Variants in ADAD1 observed in about 807,000 individuals in gnomAD.
ADAD1 encodes adenosine deaminase domain-containing protein 1.
A neutral mutation model predicts 66.8 loss-of-function variants in ADAD1; 46 were observed. The observed-to-expected ratio is 0.69, with a 90% CI of 0.54 to 0.88. The LOEUF is 0.88. ADAD1 is among the 40% of genes least tolerant of loss of function. The pLI is 0.00. For missense variants in ADAD1, 617 were observed against 681.8 expected, an observed-to-expected ratio of 0.91 and a Z score of 1.06; for synonymous variants, 248 against 229.4, an observed-to-expected ratio of 1.08 and a Z score of -0.73.
chr4:122,416,740 GA>G (rs78775231), intron 11 of ADAD1, among the ~76,000 whole-genome samples: 12 of 141,416 alleles, frequency 8.5e-5, no homozygotes, highest in Admixed American at 2.1e-4. Context: ...CTCAAAAAGG[GA>G]AAAAAAAAAG....
chr4:122,388,353 T>C (rs1795274835), intron 5 of ADAD1, among the ~76,000 whole-genome samples: 1 of 152,198 alleles, frequency 6.6e-6, no homozygotes, highest in African/African-American at 2.4e-5. Context: ...CTTTTCCTGG[T>C]TTTAGTATCA....
chr4:122,409,180 C>G (rs1456534108), intron 8 of ADAD1, among the ~76,000 whole-genome samples: 1 of 152,112 alleles, frequency 6.6e-6, no homozygotes, highest in Non-Finnish European at 1.5e-5. Context: ...TTTCTTTTTC[C>G]AGACTCAGTC....
At chr4:122,401,541 T>C (rs1241467332) in intron 7 of ADAD1, among the ~76,000 whole-genome samples, 3 of 152,132 alleles carry the variant, frequency 2.0e-5, no homozygotes, top group Admixed American at 1.3e-4. Context: ...TTAAGTCCAT[T>C]GTTTCTTTGT....
At chr4:122,422,333 C>T (rs868411550) in intron 12 of ADAD1, among the ~76,000 whole-genome samples, 1 of 152,052 alleles carries the variant, frequency 6.6e-6, no homozygotes, top group Admixed American at 6.6e-5. Flanking sequence ...CCATGTTGGC[C>T]GGGCTGGTCT....
At position 122,402,896 on chromosome 4, in the gene ADAD1, C is replaced by T. The variant is rs114469255; in HGVS notation, c.725-5012C>T. Among the ~76,000 whole-genome samples the T allele has an allele frequency of 6.7e-3, 1,025 of 152,156 alleles. 9 individuals are homozygous for T. Among genetic ancestry groups the T allele is most frequent in the African/African-American group, 0.024 (988 of 41,524 alleles). ...CTCTGGAGACTTTTTTATCCATACCCTATATATGTTTTTAATTTCTTTAAG... is the reference window on the plus strand; with the variant it reads ...CTCTGGAGACTTTTTTATCCATACCTTATATATGTTTTTAATTTCTTTAAG... On this transcript the variant is annotated intron_variant, in intron 7 of 12. Coordinates refer to ENST00000296513, the MANE Select transcript of ADAD1 (RefSeq NM_139243.4).
Position 122,396,108 on chromosome 4 carries a change from C to CT in ADAD1, c.599-143dup, listed in dbSNP as rs1489672240. Reference sequence around the variant, plus strand: ...CTTTTAGAATTGAAAACTTTGAAATCTCAGTCATGACCTAAATTATAAATT... The same window carrying CT: ...CTTTTAGAATTGAAAACTTTGAAATCTTCAGTCATGACCTAAATTATAAATT... On this transcript the variant is annotated intron_variant, in intron 6 of 12. Transcript: ENST00000296513. 7 of 613,212 alleles carry CT rather than the reference C, an allele frequency of 1.1e-5. 1 individual carries two copies. The Admixed American group carries it at 3.2e-4, about 28-fold the overall frequency. The allele number at this position is 613,212 out of a possible 1,614,324, so 38.0% of individuals were successfully genotyped here. A position where few individuals can be genotyped will look rare whatever the true frequency, so the allele number is the denominator to read the frequency against.
At chr4:122,423,139 G>T (rs894066608) in intron 12 of ADAD1, among the ~76,000 whole-genome samples, 3 of 152,166 alleles carry the variant, frequency 2.0e-5, no homozygotes, top group South Asian at 4.1e-4. Flanking sequence ...ACCCAGTGAG[G>T]CTACCACCAA....
chr4:122,381,382 A>G (rs1369482552), intron 4 of ADAD1, among the ~76,000 whole-genome samples: 1 of 152,216 alleles, frequency 6.6e-6, no homozygotes, highest in African/African-American at 2.4e-5. Context: ...TTTTATAATC[A>G]TTGAATTGTA....
At chr4:122,383,736 A>G in intron 4 of ADAD1, 63 bp from the exon 5 acceptor site, 1 of 1,509,938 alleles carries the variant, frequency 6.6e-7, no homozygotes, top group Non-Finnish European at 8.9e-7. Flanking sequence ...TCCTATGTAC[A>G]TACATTGTTT....
rs1325602023 is a variant in ADAD1 at position 122,380,246 on chromosome 4, G to A, written c.172+5G>A. On this transcript the variant is annotated splice_donor_5th_base_variant and intron_variant, in intron 3 of 12. Coordinates refer to ENST00000296513, the MANE Select transcript of ADAD1 (RefSeq NM_139243.4). Reference sequence around the variant, plus strand: ...CCAAGGTTACGCAAGTAACGGGTACGACTTTTTTCATTTGTAACAATGAGT... The same window carrying A: ...CCAAGGTTACGCAAGTAACGGGTACAACTTTTTTCATTTGTAACAATGAGT... 4 of 1,600,402 alleles carry A rather than the reference G, an allele frequency of 2.5e-6. No individual in the cohort carries two copies. The highest frequency in any genetic ancestry group is 1.8e-5 in the Admixed American group (1 of 56,428).
intron 12 of ADAD1, among the ~76,000 whole-genome samples, chr4:122,428,698 A>G (rs1427369522): frequency 6.6e-6 from 1 of 152,204 alleles, no homozygotes; most frequent in African/African-American, 2.4e-5. Context: ...TAGAAAAAGC[A>G]AAACTCTAGA....
intron 7 of ADAD1, among the ~76,000 whole-genome samples, chr4:122,407,373 C>A (rs967035826): frequency 2.6e-5 from 4 of 151,998 alleles, no homozygotes; most frequent in African/African-American, 9.7e-5. Flanking sequence ...TTCAAGCAGG[C>A]CACAGCAAAA....
intron 12 of ADAD1, among the ~76,000 whole-genome samples, chr4:122,423,890 C>A (rs1466878631): frequency 6.6e-6 from 1 of 152,108 alleles, no homozygotes. Context: ...ATACAAAGTT[C>A]TTTCTGGGAT....
At chr4:122,398,190 T>C (rs1795803934) in intron 7 of ADAD1, among the ~76,000 whole-genome samples, 2 of 151,996 alleles carry the variant, frequency 1.3e-5, no homozygotes, top group South Asian at 4.2e-4. Flanking sequence ...ATCATTCTTA[T>C]GCCTTCTTGT....
intron 8 of ADAD1, among the ~76,000 whole-genome samples, chr4:122,410,573 T>C (rs920706837): frequency 9.9e-5 from 15 of 152,236 alleles, no homozygotes; most frequent in Admixed American, 5.2e-4. Context: ...AACCATTAAA[T>C]GTGTAATGAT....
In ADAD1 at chr4:122,380,470, C is replaced by T. The variant is rs45493291; in HGVS notation, c.172+229C>T. The T allele has an allele frequency of 7.5e-3, 3,889 of 518,422 alleles. 30 individuals carry two copies. The highest frequency in any genetic ancestry group is 0.027 in the South Asian group (902 of 33,756). The allele number at this position is 518,422 out of a possible 1,614,324, so 32.1% of individuals were successfully genotyped here. A position where few individuals can be genotyped will look rare whatever the true frequency, so the allele number is the denominator to read the frequency against. Reference sequence around the variant, plus strand: ...ACCACCTTGACTGTTCAAACCCCCCCCTTCAAGTGTGGCTTGCCTTTCTGA... The same window carrying T: ...ACCACCTTGACTGTTCAAACCCCCCTCTTCAAGTGTGGCTTGCCTTTCTGA... On this transcript the variant is annotated intron_variant, in intron 3 of 12. Transcript: ENST00000296513.
At position 122,381,098 on chromosome 4, in the gene ADAD1, A is replaced by G; in HGVS notation, c.279A>G (p.Gly93=). The G allele has an allele frequency of 6.2e-7, 1 of 1,607,230 alleles. No homozygotes were observed. The highest frequency in any genetic ancestry group is 8.5e-7 in the Non-Finnish European group (1 of 1,178,790). ...AATTTATAATGAAATACAAACGTGG[A>G]GAGATAAATCCTGTGTCAGCCTTGC... ...PKEFIMKYKR[G]EINPVSALHQ... Residue 93 remains glycine (G), a synonymous_variant, in exon 4 of 13, where the codon GGA becomes GGG. Coordinates refer to ENST00000296513, the MANE Select transcript of ADAD1 (RefSeq NM_139243.4).
chr4:122,419,557 C>T (rs1796912601), intron 11 of ADAD1, among the ~76,000 whole-genome samples: 1 of 152,190 alleles, frequency 6.6e-6, no homozygotes, highest in Admixed American at 6.5e-5. Flanking sequence ...GCTGCTCCTC[C>T]TCTCCACCAC....
At chr4:122,429,604 T>A in intron 12 of ADAD1, 22 bp from the exon 13 acceptor site, 1 of 1,498,030 alleles carries the variant, frequency 6.7e-7, no homozygotes, top group Non-Finnish European at 9.3e-7. Context: ...TTTCTATAAT[T>A]CATTTTTTCT....
Sources: allele counts gnomAD v4.1 joint callset (sites outside exome capture counted in the v4.1 genomes callset), GRCh38; gene constraint gnomAD v4.1.1; transcripts MANE v1.5; gene names NCBI Gene and HGNC (gene_info 2026-07-23, HGNC 2026-07-21).